Variants in WWOX observed in about 807,000 individuals in gnomAD.
WWOX encodes WW domain-containing oxidoreductase.
A neutral mutation model predicts 46.2 loss-of-function variants in WWOX; 69 were observed. The observed-to-expected ratio is 1.49, with a 90% CI of 1.23 to 1.82. The LOEUF is 1.82. Ranked by LOEUF, WWOX falls within the 40% of genes most tolerant of loss-of-function variation. The probability of loss-of-function intolerance (pLI) is 0.00; values close to 1 mark genes in which losing one functional copy is unlikely to be tolerated. For missense variants in WWOX, 919 were observed against 542.6 expected (o/e 1.69, Z -6.89); for synonymous variants, 359 against 202.6 (o/e 1.77, Z -6.56).
intron 8 of WWOX, among the ~76,000 whole-genome samples, chr16:79,179,006 A>C (rs1396485564): frequency 2.0e-5 from 3 of 152,204 alleles, no homozygotes; most frequent in African/African-American, 7.2e-5. Flanking sequence ...CAGCAGTGAG[A>C]AGAATCAGTC....
chr16:78,755,882 A>G (rs2049633759), intron 8 of WWOX, among the ~76,000 whole-genome samples: 1 of 152,152 alleles, frequency 6.6e-6, no homozygotes, highest in African/African-American at 2.4e-5. Context: ...TCATATCAAG[A>G]ATTACTGTAA....
intron 7 of WWOX, among the ~76,000 whole-genome samples, 177 bp downstream of exon 7, chr16:78,425,232 C>G (rs1406666342): frequency 6.6e-6 from 1 of 152,038 alleles, no homozygotes; most frequent in Admixed American, 6.6e-5. Flanking sequence ...TTGTGGGGGA[C>G]TGTTTAGAAG....
chr16:78,195,596 C>T (rs969764389), intron 5 of WWOX, among the ~76,000 whole-genome samples: 6 of 151,892 alleles, frequency 4.0e-5, no homozygotes, highest in South Asian at 4.2e-4. Flanking sequence ...CTAAGGTGGG[C>T]GAATCACCCC....
chr16:78,540,112 T>A (rs767128114), intron 8 of WWOX, among the ~76,000 whole-genome samples: 2 of 152,000 alleles, frequency 1.3e-5, no homozygotes, highest in Non-Finnish European at 2.9e-5. Context: ...ACACTTTTTT[T>A]AGCTCCGATC....
chr16:78,683,598 C>T (rs907937737), intron 8 of WWOX, among the ~76,000 whole-genome samples: 1 of 151,770 alleles, frequency 6.6e-6, no homozygotes, highest in African/African-American at 2.4e-5. Flanking sequence ...GACAAAGTCT[C>T]GCTTTGTTGC....
intron 8 of WWOX, among the ~76,000 whole-genome samples, chr16:78,442,966 C>A (rs6564562): frequency 0.13 from 19,899 of 151,476 alleles, 2,046 homozygotes; most frequent in African/African-American, 0.29. Context: ...ACCAAAAATA[C>A]AAAAAAATTA....
intron 8 of WWOX, among the ~76,000 whole-genome samples, chr16:78,857,037 G>A (rs943073642): frequency 6.6e-6 from 1 of 152,158 alleles, no homozygotes; most frequent in Non-Finnish European, 1.5e-5. Context: ...CATAGAAAAG[G>A]TACAGTTAAA....
At chr16:78,624,634 A>C (rs1044557892) in intron 8 of WWOX, among the ~76,000 whole-genome samples, 2 of 152,192 alleles carry the variant, frequency 1.3e-5, no homozygotes, top group African/African-American at 4.8e-5. Flanking sequence ...TTCTATGGCA[A>C]GCTGAGATGC....
In WWOX at chr16:78,362,949, A is replaced by G. The variant is rs554389084; in HGVS notation, c.517-23911A>G. On this transcript the variant is annotated intron_variant, in intron 5 of 8. Transcript: ENST00000566780. ...CAGATGGTTGCATGGGACAGTGTCC[A>G]GAGGAAGGCCTCTGATTCCTTCCCC... 2.0e-5 allele frequency among the ~76,000 whole-genome samples: 3 copies of G among 152,336 alleles called. No homozygotes were observed. In the South Asian group the frequency reaches 6.2e-4, roughly 32 times the overall value.
At chr16:78,796,493 G>T (rs1056731537) in intron 8 of WWOX, among the ~76,000 whole-genome samples, 1 of 152,236 alleles carries the variant, frequency 6.6e-6, no homozygotes, top group Non-Finnish European at 1.5e-5. Flanking sequence ...ATGTAGTCTG[G>T]TGATGCCTCG....
intron 8 of WWOX, among the ~76,000 whole-genome samples, chr16:79,170,960 A>G (rs2050688847): frequency 6.6e-6 from 1 of 152,204 alleles, no homozygotes; most frequent in Non-Finnish European, 1.5e-5. Context: ...ATATTCCTGC[A>G]TGCACACTCC....
intron 4 of WWOX, among the ~76,000 whole-genome samples, chr16:78,146,788 C>T (rs1055993505): frequency 6.6e-6 from 1 of 152,142 alleles, no homozygotes; most frequent in East Asian, 1.9e-4. Context: ...TATGTTATAA[C>T]CAAAAAGGTC....
rs74029598 is a variant in WWOX at position 78,628,728 on chromosome 16, C to A, written c.1056+195976C>A. ...GAATGGAATTTCACTGTTTTAAATT[C>A]AGGGTTAATTTCTTGCTTTCAAATG... On this transcript the variant is annotated intron_variant, in intron 8 of 8. Transcript: ENST00000566780. 5.2e-3 allele frequency among the ~76,000 whole-genome samples: 797 copies of A among 152,144 alleles called. 11 individuals are homozygous for A. Among genetic ancestry groups the A allele is most frequent in the African/African-American group, 0.018 (763 of 41,490 alleles).
intron 8 of WWOX, among the ~76,000 whole-genome samples, chr16:79,074,724 A>G (rs2048622131): frequency 6.6e-6 from 1 of 152,104 alleles, no homozygotes. Flanking sequence ...TTCCCTCTAC[A>G]AAGATAACTA....
At chr16:78,540,552 A>G (rs934412727) in intron 8 of WWOX, among the ~76,000 whole-genome samples, 1 of 152,202 alleles carries the variant, frequency 6.6e-6, no homozygotes, top group Admixed American at 6.5e-5. Context: ...CCAATTGCTC[A>G]TTAATGCTGA....
At chr16:78,991,441 A>G (rs1363546291) in intron 8 of WWOX, among the ~76,000 whole-genome samples, 2 of 152,004 alleles carry the variant, frequency 1.3e-5, no homozygotes, top group Admixed American at 1.3e-4. Context: ...AAATAATAAA[A>G]AAATTAAAAA....
chr16:79,117,968 G>C (rs573729660), intron 8 of WWOX, among the ~76,000 whole-genome samples: 36 of 152,266 alleles, frequency 2.4e-4, no homozygotes, highest in African/African-American at 7.9e-4. Flanking sequence ...CGCTGTTTTG[G>C]TTTCTATCAT....
intron 5 of WWOX, among the ~76,000 whole-genome samples, chr16:78,287,114 AT>A (rs939093870): frequency 3.3e-5 from 5 of 152,252 alleles, no homozygotes; most frequent in African/African-American, 1.2e-4. Context: ...CAGAAAAACA[AT>A]GTGAAATTTG....
At chr16:78,108,944 C>A (rs1341127821) in intron 2 of WWOX, among the ~76,000 whole-genome samples, 1 of 152,196 alleles carries the variant, frequency 6.6e-6, no homozygotes, top group Non-Finnish European at 1.5e-5. Context: ...GCCAAGATCA[C>A]ACCACTGCGC....
Sources: gnomAD v4.1 joint callset for allele counts (sites outside exome capture counted in the v4.1 genomes callset) on GRCh38, gnomAD v4.1.1 for gene constraint, MANE v1.5 for transcripts, NCBI Gene and HGNC (gene_info 2026-07-23, HGNC 2026-07-21) for gene names.